The following PREX1 variants were observed in gnomAD, a reference collection of about 807,000 sequenced individuals.
The protein encoded by PREX1 is phosphatidylinositol 3,4,5-trisphosphate-dependent Rac exchanger 1 protein.
PREX1 carries 41 observed loss-of-function variants against 198.3 expected under a neutral mutation model. That is an observed-to-expected ratio of 0.21 (90% CI 0.16 to 0.27). The LOEUF is 0.27. Ranked by LOEUF, PREX1 falls within the 10% of genes least tolerant of loss-of-function variation. The pLI, the probability that PREX1 is intolerant of heterozygous loss-of-function variation, is 1.00. For synonymous variants in PREX1, 843 were observed against 887.2 expected, an observed-to-expected ratio of 0.95 and a Z score of 0.89; for missense variants, 1,620 against 2,200.7, an observed-to-expected ratio of 0.74 and a Z score of 5.28.
chr20:48,637,619 C>G (rs1479619866), intron 31 of PREX1, 92 bp downstream of exon 31: 44 of 1,295,986 alleles, frequency 3.4e-5, no homozygotes, highest in Middle Eastern at 2.8e-4. Flanking sequence ...AGCGTTGCCT[C>G]CCCCCGTCCA....
chr20:48,812,555 TA>T (rs1347450025), intron 1 of PREX1, among the ~76,000 whole-genome samples: 1 of 151,852 alleles, frequency 6.6e-6, no homozygotes, highest in African/African-American at 2.4e-5. Context: ...TATTAAATTA[TA>T]TATTAGTATA....
At chr20:48,864,744 C>T in the PREX1 span, among the ~76,000 whole-genome samples, 5 of 152,176 alleles carry the variant, frequency 3.3e-5, no homozygotes, top group Admixed American at 2.6e-4. Context: ...GCCTTTGTGT[C>T]GGGCACTTTG....
chr20:48,776,201 C>T (rs1477520467), intron 1 of PREX1, among the ~76,000 whole-genome samples: 1 of 152,162 alleles, frequency 6.6e-6, no homozygotes, highest in East Asian at 1.9e-4. Flanking sequence ...GCCCAGCCTC[C>T]TGCAGGGGCA....
At chr20:48,679,504 G>C in intron 12 of PREX1, 95 bp from the exon 13 acceptor site, 1 of 1,442,000 alleles carries the variant, frequency 6.9e-7, no homozygotes, top group Non-Finnish European at 9.7e-7. Flanking sequence ...CCAGGACGGG[G>C]CAGGGCAGGG....
At chr20:48,704,899 G>A (rs902935209) in intron 6 of PREX1, among the ~76,000 whole-genome samples, 1 of 152,194 alleles carries the variant, frequency 6.6e-6, no homozygotes, top group African/African-American at 2.4e-5. Flanking sequence ...TTTTATCACT[G>A]TGAGCTTCAC....
chr20:48,739,689 G>A (rs1263426860), intron 3 of PREX1, among the ~76,000 whole-genome samples: 1 of 152,224 alleles, frequency 6.6e-6, no homozygotes, highest in Non-Finnish European at 1.5e-5. Context: ...CTAGTGCAGA[G>A]CCTGGCACAC....
chr20:48,773,321 T>C (rs1052636373), intron 1 of PREX1, among the ~76,000 whole-genome samples: 6 of 147,910 alleles, frequency 4.1e-5, no homozygotes, highest in African/African-American at 1.5e-4. Flanking sequence ...ATACCAATTA[T>C]TAAGTTCAAG....
chr20:48,863,804 A>G, the PREX1 span, among the ~76,000 whole-genome samples: 6,722 of 151,868 alleles, frequency 0.044, 229 homozygotes, highest in African/African-American at 0.092. Context: ...GCTGGTCTCA[A>G]ACTCCTGACC....
chr20:48,659,866 T>C (rs2089577141), intron 16 of PREX1, 53 bp downstream of exon 16: 1 of 1,610,626 alleles, frequency 6.2e-7, no homozygotes, highest in Non-Finnish European at 8.5e-7. Context: ...CCAGCTCCCA[T>C]GCCTGCAGGG....
chr20:48,882,753 CTG>C, the PREX1 span, among the ~76,000 whole-genome samples: 3 of 151,898 alleles, frequency 2.0e-5, no homozygotes, highest in Admixed American at 2.0e-4. Flanking sequence ...TTGTTATTAT[CTG>C]TCTTTTATTT....
chr20:48,734,737 T>G (rs1371790536), intron 3 of PREX1, 87 bp from the exon 4 acceptor site: 1 of 1,216,780 alleles, frequency 8.2e-7, no homozygotes, highest in Non-Finnish European at 1.2e-6. Context: ...GCTGGTAGGG[T>G]AGGGGTAAGG....
intron 5 of PREX1, among the ~76,000 whole-genome samples, chr20:48,715,953 G>A (rs1362063902): frequency 6.6e-6 from 1 of 152,182 alleles, no homozygotes; most frequent in African/African-American, 2.4e-5. Flanking sequence ...CACAGAGACA[G>A]AAAGTGGGAC....
At chr20:48,661,015 T>C (rs1414015821) in intron 15 of PREX1, among the ~76,000 whole-genome samples, 2 of 152,244 alleles carry the variant, frequency 1.3e-5, no homozygotes, top group Non-Finnish European at 2.9e-5. Flanking sequence ...GTATTTGTAC[T>C]TGTATTATCT....
intron 6 of PREX1, among the ~76,000 whole-genome samples, chr20:48,704,687 C>A (rs1370332213): frequency 1.3e-5 from 2 of 152,108 alleles, no homozygotes; most frequent in African/African-American, 4.8e-5. Context: ...TCCCGAGTAA[C>A]TGGGATTACA....
At chr20:48,871,881 C>T in the PREX1 span, among the ~76,000 whole-genome samples, 1 of 151,672 alleles carries the variant, frequency 6.6e-6, no homozygotes, top group Non-Finnish European at 1.5e-5. Flanking sequence ...GCACCTCGGC[C>T]GGGCGTGGTG....
intron 1 of PREX1, among the ~76,000 whole-genome samples, chr20:48,818,806 A>G (rs552585769): frequency 6.6e-6 from 1 of 152,372 alleles, no homozygotes; most frequent in East Asian, 1.9e-4. Context: ...TGTCTCAGGA[A>G]GCAGAGGTTC....
chr20:48,643,161 T>C (rs957604116), intron 27 of PREX1, among the ~76,000 whole-genome samples: 1 of 152,182 alleles, frequency 6.6e-6, no homozygotes, highest in African/African-American at 2.4e-5. Flanking sequence ...CTTTAAAGTC[T>C]GAAGTAAACA....
At position 48,691,158 on chromosome 20, in the gene PREX1, C is replaced by T; in HGVS notation, c.1037-62G>A. On this transcript the variant is annotated intron_variant, in intron 8 of 39. Transcript: ENST00000371941. This position sits in a 1 kb window ranked among gnomAD's most constrained non-coding sequence, Gnocchi z 5.0. ...CAGCCGCGTGACCTTCAACACTCCC[C>T]ATTGCCAAGCCCTTCCGCCCCAGCA... 6.2e-7 allele frequency: 1 copy of T among 1,605,992 alleles called. No individual in the cohort carries two copies. Among genetic ancestry groups the T allele is most frequent in the South Asian group, 1.1e-5 (1 of 90,494 alleles).
chr20:48,885,328 C>T, the PREX1 span, among the ~76,000 whole-genome samples: 2 of 152,006 alleles, frequency 1.3e-5, no homozygotes, highest in African/African-American at 2.4e-5. Flanking sequence ...TACATGACAG[C>T]GAATACATGA....
Sources: gnomAD v4.1 joint callset for allele counts (sites outside exome capture counted in the v4.1 genomes callset) on GRCh38, gnomAD v4.1.1 for gene constraint, Gnocchi (gnomAD v3.1) non-coding constraint, MANE v1.5 for transcripts, NCBI Gene and HGNC (gene_info 2026-07-23, HGNC 2026-07-21) for gene names.